ABTB2: variants seen among roughly 807,000 people sequenced by gnomAD.
ABTB2 encodes ankyrin repeat and BTB/POZ domain-containing protein 2.
Under a neutral mutation model 104.1 loss-of-function variants are expected in ABTB2, and 56 were observed. That is an observed-to-expected ratio of 0.54 (90% CI 0.43 to 0.67). The LOEUF (loss-of-function observed/expected upper bound fraction) is 0.67, where lower values mean the gene tolerates loss of function less well. Ranked by LOEUF, ABTB2 falls within the 30% of genes least tolerant of loss-of-function variation. The probability of loss-of-function intolerance (pLI) is 0.00; values close to 1 mark genes in which losing one functional copy is unlikely to be tolerated. For synonymous variants in ABTB2, 606 were observed against 608.2 expected, an observed-to-expected ratio of 1.00 and a Z score of 0.05; for missense variants, 1,279 against 1,407.7, an observed-to-expected ratio of 0.91 and a Z score of 1.46.
intron 3 of ABTB2, among the ~76,000 whole-genome samples, chr11:34,195,117 A>G (rs1853239662): frequency 7.3e-6 from 1 of 136,850 alleles, no homozygotes; most frequent in Non-Finnish European, 1.6e-5. Flanking sequence ...CAGCAGAGGA[A>G]TGACTGCCCC....
chr11:34,192,764 GC>G (rs2133033371), intron 3 of ABTB2, among the ~76,000 whole-genome samples: 1 of 152,342 alleles, frequency 6.6e-6, no homozygotes. Flanking sequence ...CACAGTAGAT[GC>G]AGTCTGGAAG....
At chr11:34,170,618 G>C (rs2133014422) in intron 5 of ABTB2, among the ~76,000 whole-genome samples, 1 of 152,300 alleles carries the variant, frequency 6.6e-6, no homozygotes, top group Middle Eastern at 3.4e-3. Flanking sequence ...TGGAGATGAA[G>C]CTCACTCTCC....
intron 1 of ABTB2, among the ~76,000 whole-genome samples, chr11:34,302,976 C>T (rs138742747): frequency 6.6e-6 from 1 of 152,288 alleles, no homozygotes; most frequent in Non-Finnish European, 1.5e-5. Context: ...CACCTCCAGC[C>T]CAATTTCCTG....
In ABTB2 at chr11:34,167,854, G is replaced by A. The variant is rs1251000593; in HGVS notation, c.1653+49C>T. On this transcript the variant is annotated intron_variant, in intron 6 of 16. Coordinates refer to ENST00000435224, the MANE Select transcript of ABTB2 (RefSeq NM_145804.3). ...GCGTGTTTGTTGGAGCCCTCGGAGT[G>A]ATCCCTGCTGGCCTAGGGCCTGGGT... 4 of 1,587,282 alleles carry A rather than the reference G, an allele frequency of 2.5e-6. No individual in the cohort carries two copies. The African/African-American group carries it at 5.4e-5, about 21-fold the overall frequency.
intron 6 of ABTB2, 22 bp from the exon 7 acceptor site, chr11:34,167,382 C>A (rs1278702896): frequency 6.2e-7 from 1 of 1,601,872 alleles, no homozygotes. Context: ...CACAAATCAT[C>A]TGTGTTTTCT....
At chr11:34,226,888 A>G (rs1853694486) in intron 1 of ABTB2, among the ~76,000 whole-genome samples, 1 of 152,158 alleles carries the variant, frequency 6.6e-6, no homozygotes, top group Admixed American at 6.5e-5. Flanking sequence ...CAACATGGCA[A>G]AACCCCATCT....
rs951611257 is a variant in ABTB2, at chr11:34,281,435, C to T, written c.883+75266G>A. Among the ~76,000 whole-genome samples the T allele has an allele frequency of 6.6e-5, 10 of 152,318 alleles. No homozygotes were observed. The Middle Eastern group carries it at 0.014, about 207-fold the overall frequency. On this transcript the variant is annotated intron_variant, in intron 1 of 16. Transcript: ENST00000435224. ...CAGGGTGTGGCTCAATACATACACACAGCATCATCCCTTCCACCCACTAAC... is the reference window on the plus strand; with the variant it reads ...CAGGGTGTGGCTCAATACATACACATAGCATCATCCCTTCCACCCACTAAC...
intron 3 of ABTB2, among the ~76,000 whole-genome samples, chr11:34,191,509 G>C (rs968931433): frequency 6.6e-6 from 1 of 152,228 alleles, no homozygotes; most frequent in African/African-American, 2.4e-5. Flanking sequence ...TGGAGAACAA[G>C]ATTAGTATAA....
At chr11:34,317,994 G>GC (rs1204865625) in intron 1 of ABTB2, among the ~76,000 whole-genome samples, 1 of 131,372 alleles carries the variant, frequency 7.6e-6, no homozygotes, top group Non-Finnish European at 1.5e-5. Flanking sequence ...ACATAGCCTC[G>GC]CTCTGTCACC....
chr11:34,274,828 A>C (rs1472232765), intron 1 of ABTB2, among the ~76,000 whole-genome samples: 3 of 152,122 alleles, frequency 2.0e-5, no homozygotes, highest in African/African-American at 7.2e-5. Flanking sequence ...ACGTGCCTTG[A>C]GTTTCCAATC....
intron 1 of ABTB2, among the ~76,000 whole-genome samples, chr11:34,317,211 T>G (rs1854943290): frequency 6.6e-6 from 1 of 152,240 alleles, no homozygotes; most frequent in Non-Finnish European, 1.5e-5. Flanking sequence ...TCTGTTTATA[T>G]TCTAGATATG....
intron 10 of ABTB2, 124 bp from the exon 11 acceptor site, chr11:34,161,205 C>T: frequency 1.0e-6 from 1 of 953,514 alleles, no homozygotes; most frequent in Non-Finnish European, 1.5e-6. Flanking sequence ...ACCCCGCCCG[C>T]CCCCTCCCGC....
chr11:34,312,901 G>T (rs965195171), intron 1 of ABTB2, among the ~76,000 whole-genome samples: 1 of 152,158 alleles, frequency 6.6e-6, no homozygotes, highest in African/African-American at 2.4e-5. Context: ...CGCCTCAGAA[G>T]GGGTAACTTG....
intron 1 of ABTB2, among the ~76,000 whole-genome samples, chr11:34,304,047 C>G (rs1009384445): frequency 6.6e-6 from 1 of 152,104 alleles, no homozygotes. Flanking sequence ...AGTTTTAAAT[C>G]GAGTGCCGCT....
Position 34,197,393 on chromosome 11 carries a change from C to A in ABTB2, c.1176G>T (p.Arg392=). The A allele has an allele frequency of 6.2e-7, 1 of 1,613,224 alleles. No homozygotes were observed. The highest frequency in any genetic ancestry group is 8.5e-7 in the Non-Finnish European group (1 of 1,179,642). The change falls in exon 3 of 17, where the codon CGG becomes CGT. Residue 392 remains arginine, a synonymous_variant. Coordinates refer to ENST00000435224, the MANE Select transcript of ABTB2 (RefSeq NM_145804.3). The stretch of plus-strand genomic sequence containing the variant: ...TCTCCATGGACTCCATCTGTGGACA[C>A]CGCAGAAAGTAGTAGAGCGTGTGGA... The part of the protein sequence containing the change: ...DALHTLYYFL[R]CPQMESMENP...
intron 1 of ABTB2, among the ~76,000 whole-genome samples, chr11:34,272,686 G>A (rs1316288343): frequency 1.6e-4 from 18 of 110,808 alleles, no homozygotes; most frequent in Non-Finnish European, 2.6e-4. Context: ...CAGCCTGGGC[G>A]ACAGAGTAAG....
At position 34,351,713 on chromosome 11, in the gene ABTB2, G is replaced by A. The variant is rs192752976; in HGVS notation, c.883+4988C>T. Among the ~76,000 whole-genome samples, 208 of 152,260 alleles carry A rather than the reference G, an allele frequency of 1.4e-3. 2 individuals are homozygous for A. Among genetic ancestry groups the A allele is most frequent in the African/African-American group, 4.8e-3 (201 of 41,542 alleles). On this transcript the variant is annotated intron_variant, in intron 1 of 16. Coordinates refer to ENST00000435224, the MANE Select transcript of ABTB2 (RefSeq NM_145804.3). ...TATTGTAGACACCATGAGAGGTACA[G>A]GGAAGACAGCAATGCCTATGAAGTG...
intron 1 of ABTB2, among the ~76,000 whole-genome samples, chr11:34,221,411 C>T (rs997177006): frequency 6.6e-6 from 1 of 152,256 alleles, no homozygotes; most frequent in Admixed American, 6.5e-5. Context: ...AATTTCAACA[C>T]AGGAATCTTG....
intron 1 of ABTB2, among the ~76,000 whole-genome samples, chr11:34,240,931 T>A (rs936776077): frequency 6.6e-6 from 1 of 152,138 alleles, no homozygotes; most frequent in Non-Finnish European, 1.5e-5. Context: ...TCTTTTTAAT[T>A]TTTTTTCTCT....
Sources: gnomAD v4.1 joint callset for allele counts (sites outside exome capture counted in the v4.1 genomes callset) on GRCh38, gnomAD v4.1.1 for gene constraint, MANE v1.5 for transcripts, NCBI Gene and HGNC (gene_info 2026-07-23, HGNC 2026-07-21) for gene names.